Variants in COL24A1 observed in about 807,000 individuals in gnomAD.
COL24A1 encodes collagen alpha-1(XXIV) chain.
A neutral mutation model predicts 253.9 loss-of-function variants in COL24A1; 224 were observed. The ratio of observed to expected loss-of-function variants is 0.88; its 90% CI spans 0.79 to 0.99. The LOEUF is 0.99. COL24A1 is among the 50% of genes least tolerant of loss of function. COL24A1 has a pLI of 0.00. For missense variants in COL24A1, 2,131 were observed against 2,068.5 expected (o/e 1.03, Z -0.59); for synonymous variants, 685 against 673.7 (o/e 1.02, Z -0.26).
At chr1:85,940,500 C>T (rs1472503367) in intron 24 of COL24A1, among the ~76,000 whole-genome samples, 2 of 146,166 alleles carry the variant, frequency 1.4e-5, no homozygotes, top group African/African-American at 5.1e-5. Flanking sequence ...GAGCATAATA[C>T]ATGCAAGGCA....
At chr1:86,149,698 C>T (rs1311048721) in intron 1 of COL24A1, among the ~76,000 whole-genome samples, 1 of 152,136 alleles carries the variant, frequency 6.6e-6, no homozygotes, top group Non-Finnish European at 1.5e-5. Flanking sequence ...ATAAACTTCC[C>T]CAATGACCTC....
At chr1:85,890,196 G>A (rs986395557) in intron 31 of COL24A1, among the ~76,000 whole-genome samples, 3 of 152,102 alleles carry the variant, frequency 2.0e-5, no homozygotes, top group African/African-American at 7.2e-5. Flanking sequence ...GAATAATGCG[G>A]CTATTAACAT....
chr1:85,798,574 G>A (rs747629581), intron 47 of COL24A1, among the ~76,000 whole-genome samples: 1 of 152,308 alleles, frequency 6.6e-6, no homozygotes, highest in Non-Finnish European at 1.5e-5. Flanking sequence ...ACTAGCCTAT[G>A]AGAACACACA....
intron 5 of COL24A1, among the ~76,000 whole-genome samples, chr1:86,107,258 G>C (rs909986767): frequency 1.3e-5 from 2 of 152,110 alleles, no homozygotes; most frequent in African/African-American, 4.8e-5. Context: ...CTGCTCTCAA[G>C]TGTTTTCTTC....
At chr1:85,799,384 A>C in intron 47 of COL24A1, among the ~76,000 whole-genome samples, 1 of 10,556 alleles carries the variant, frequency 9.5e-5, no homozygotes, top group African/African-American at 1.7e-4. Flanking sequence ...ATGACTAAAA[A>C]AAAAAAAAAA....
Position 85,877,170 on chromosome 1 carries a change from C to T in COL24A1, c.2982G>A (p.Leu994=). 6.2e-7 allele frequency: 1 copy of T among 1,600,860 alleles called. No individual in the cohort carries two copies. The highest frequency in any genetic ancestry group is 8.5e-7 in the Non-Finnish European group (1 of 1,174,310). The change falls in exon 33 of 60, where the codon CTG becomes CTA. Residue 994 remains leucine, a synonymous_variant. Coordinates refer to ENST00000370571, the MANE Select transcript of COL24A1 (RefSeq NM_152890.7). Reference sequence around the variant, plus strand: ...GTCCAACATCACCTTGCAGTCCTCGCAGTCCCTATATTAAAATAAAATTTA... The same window carrying T: ...GTCCAACATCACCTTGCAGTCCTCGTAGTCCCTATATTAAAATAAAATTTA... ...GDRGLPGEPG[L]RGLQGDVGPP... is the part of the protein sequence containing the mutation.
intron 35 of COL24A1, among the ~76,000 whole-genome samples, chr1:85,869,987 A>G (rs1680255225): frequency 6.6e-6 from 1 of 152,184 alleles, no homozygotes; most frequent in East Asian, 1.9e-4. Context: ...GGCTCAAAAT[A>G]AAGGGATGGA....
At chr1:85,859,611 G>A (rs1678906934) in intron 37 of COL24A1, among the ~76,000 whole-genome samples, 1 of 151,932 alleles carries the variant, frequency 6.6e-6, no homozygotes, top group Non-Finnish European at 1.5e-5. Flanking sequence ...ATTTTTTTTA[G>A]GAGGAAGTGT....
intron 3 of COL24A1, among the ~76,000 whole-genome samples, chr1:86,124,067 G>A (rs1158506087): frequency 1.3e-5 from 2 of 152,026 alleles, no homozygotes. Flanking sequence ...CCAACACTGT[G>A]ATTTTAAATG....
At chr1:85,781,143 A>T in intron 52 of COL24A1, 77 bp downstream of exon 52, 1 of 1,065,636 alleles carries the variant, frequency 9.4e-7, no homozygotes, top group Non-Finnish European at 1.4e-6. Context: ...TACCCAGGCT[A>T]ATTCTTTGTA....
chr1:86,102,968 G>A lies in COL24A1; in HGVS notation c.1599+9599C>T, dbSNP rs1704599695. Among the ~76,000 whole-genome samples, 3 of 152,180 alleles carry A rather than the reference G, an allele frequency of 2.0e-5. 1 individual carries two copies. In the East Asian group the frequency reaches 5.8e-4, roughly 29 times the overall value. The stretch of plus-strand genomic sequence containing the variant: ...CTGCCTCAATGATGTGTCTAATACT[G>A]TCAGTGGGGTATGAAAGTATCCCAC... On this transcript the variant is annotated intron_variant, in intron 5 of 59. Coordinates refer to ENST00000370571, the MANE Select transcript of COL24A1 (RefSeq NM_152890.7).
intron 10 of COL24A1, among the ~76,000 whole-genome samples, chr1:86,052,105 T>C (rs1195855139): frequency 6.6e-6 from 1 of 152,028 alleles, no homozygotes; most frequent in African/African-American, 2.4e-5. Flanking sequence ...GTTTTATGGA[T>C]GCAGAGAAAA....
intron 17 of COL24A1, 21 bp downstream of exon 17, chr1:86,022,517 A>C (rs1184409527): frequency 1.3e-6 from 2 of 1,590,318 alleles, no homozygotes; most frequent in Admixed American, 3.4e-5. Context: ...ATTTACATAA[A>C]ATTAATGGTA....
intron 55 of COL24A1, among the ~76,000 whole-genome samples, chr1:85,747,226 C>G (rs1557976509): frequency 6.6e-6 from 1 of 150,740 alleles, no homozygotes. Context: ...ATTCTCCTGC[C>G]TCTCAGCCTC....
At chr1:85,754,050 G>C in intron 55 of COL24A1, among the ~76,000 whole-genome samples, 1 of 10,930 alleles carries the variant, frequency 9.1e-5, no homozygotes, top group Non-Finnish European at 1.8e-4. Flanking sequence ...TATACCCAAA[G>C]GACTATAAAT....
intron 2 of COL24A1, among the ~76,000 whole-genome samples, chr1:86,131,397 T>C (rs1483844681): frequency 6.6e-6 from 1 of 152,122 alleles, no homozygotes; most frequent in Non-Finnish European, 1.5e-5. Flanking sequence ...AGTTTTAGGG[T>C]ACATGTGCAC....
chr1:86,032,398 T>C, intron 13 of COL24A1, among the ~76,000 whole-genome samples: 1 of 152,338 alleles, frequency 6.6e-6, no homozygotes. Flanking sequence ...CCAATATTTG[T>C]TCTCACTGTA....
intron 57 of COL24A1, among the ~76,000 whole-genome samples, chr1:85,740,349 T>A (rs1664475034): frequency 6.6e-6 from 1 of 152,212 alleles, no homozygotes; most frequent in South Asian, 2.1e-4. Context: ...GCTTCCAATT[T>A]CAATGAGACA....
In COL24A1 at chr1:85,742,322, T is replaced by C. The variant is rs143001804; in HGVS notation, c.4672+2344A>G. Among the ~76,000 whole-genome samples the C allele has an allele frequency of 9.2e-3, 1,401 of 151,864 alleles. 57 individuals carry two copies. Among genetic ancestry groups the C allele is most frequent in the Admixed American group, 0.062 (950 of 15,266 alleles). On this transcript the variant is annotated intron_variant, in intron 57 of 59. Transcript: ENST00000370571. ...AATTTTTCTGTATTTTTAGTAGAGA[T>C]GGGGTTTCACCATGTTAGCCAGGAT... is the stretch of plus-strand genomic sequence containing the variant.
Sources: gnomAD v4.1 joint callset for allele counts (sites outside exome capture counted in the v4.1 genomes callset) on GRCh38, gnomAD v4.1.1 for gene constraint, MANE v1.5 for transcripts, NCBI Gene and HGNC (gene_info 2026-07-23, HGNC 2026-07-21) for gene names.